The following C12orf42 variants were observed in gnomAD, a reference collection of about 807,000 sequenced individuals.
The protein encoded by C12orf42 is chromosome 12 open reading frame 42.
In C12orf42, 25 loss-of-function variants were observed where a neutral mutation model predicts 21.6. The ratio of observed to expected loss-of-function variants is 1.16; its 90% CI spans 0.84 to 1.62. The LOEUF (loss-of-function observed/expected upper bound fraction) is 1.62. Among genes scored for constraint, C12orf42 ranks in the 40% most tolerant of loss-of-function variants. The pLI, the probability that C12orf42 is intolerant of heterozygous loss-of-function variation, is 0.00. For missense variants in C12orf42, 483 were observed against 459.3 expected, an observed-to-expected ratio of 1.05 and a Z score of -0.47; for synonymous variants, 174 against 175.0, an observed-to-expected ratio of 0.99 and a Z score of 0.05.
the C12orf42 span, among the ~76,000 whole-genome samples, chr12:103,083,540 C>A: frequency 6.6e-6 from 1 of 152,100 alleles, no homozygotes; most frequent in Non-Finnish European, 1.5e-5. Context: ...GAAAACACTA[C>A]CTAAATTCTC....
intron 4 of C12orf42, among the ~76,000 whole-genome samples, chr12:103,311,271 C>T (rs1443606125): frequency 6.6e-6 from 1 of 151,800 alleles, no homozygotes; most frequent in Non-Finnish European, 1.5e-5. Flanking sequence ...GATGTTGGGA[C>T]AGGTGGTGAC....
the C12orf42 span, among the ~76,000 whole-genome samples, chr12:103,062,057 C>A: frequency 1.3e-5 from 2 of 151,850 alleles, no homozygotes; most frequent in Non-Finnish European, 2.9e-5. Context: ...CTTGTTATAG[C>A]CTAAAATAAA....
chr12:103,531,822 T>C, the C12orf42 span, among the ~76,000 whole-genome samples: 2 of 152,224 alleles, frequency 1.3e-5, no homozygotes, highest in Non-Finnish European at 2.9e-5. Flanking sequence ...AAATCCCTTC[T>C]AAAAGGGCAT....
At chr12:103,149,759 T>C in the C12orf42 span, among the ~76,000 whole-genome samples, 32 of 152,310 alleles carry the variant, frequency 2.1e-4, no homozygotes, top group Non-Finnish European at 3.7e-4. Flanking sequence ...CGCAGCCAAG[T>C]GGAATTGTAA....
intron 4 of C12orf42, among the ~76,000 whole-genome samples, chr12:103,367,531 A>T (rs1444347126): frequency 2.0e-5 from 3 of 152,000 alleles, no homozygotes; most frequent in Non-Finnish European, 4.4e-5. Context: ...GAGCTCCAAG[A>T]TACAGTGATA....
the C12orf42 span, among the ~76,000 whole-genome samples, chr12:103,072,513 C>A: frequency 1.3e-5 from 2 of 151,816 alleles, no homozygotes; most frequent in Admixed American, 1.3e-4. Context: ...CTGAAATAGG[C>A]AATTTTAGTC....
the C12orf42 span, among the ~76,000 whole-genome samples, chr12:103,201,935 A>G: frequency 2.0e-5 from 3 of 152,214 alleles, no homozygotes; most frequent in African/African-American, 7.2e-5. Flanking sequence ...TTAGCCAAAA[A>G]AAAGCAAGAA....
chr12:103,449,116 TA>T (rs1951769774), intron 2 of C12orf42, among the ~76,000 whole-genome samples: 1 of 151,390 alleles, frequency 6.6e-6, no homozygotes, highest in Non-Finnish European at 1.5e-5. Context: ...GATAGATAGA[TA>T]GATAGATAGA....
downstream of C12orf42, chr12:103,267,616 T>C (rs978011155): frequency 1.3e-5 from 2 of 152,134 alleles, no homozygotes; most frequent in Non-Finnish European, 2.9e-5. Context: ...TACAAAACAC[T>C]TCATATCAGT....
intron 4 of C12orf42, among the ~76,000 whole-genome samples, chr12:103,331,233 C>T (rs1360049031): frequency 6.6e-6 from 1 of 152,128 alleles, no homozygotes; most frequent in Non-Finnish European, 1.5e-5. Context: ...TAACACAAAG[C>T]CTATTCTATA....
the C12orf42 span, among the ~76,000 whole-genome samples, chr12:103,133,116 G>A: frequency 6.6e-6 from 1 of 152,118 alleles, no homozygotes. Context: ...GTTAGCACCT[G>A]AGCATTCCCT....
intron 10 of C12orf42, among the ~76,000 whole-genome samples, chr12:103,240,277 C>T (rs2136164913): frequency 6.6e-6 from 1 of 152,270 alleles, no homozygotes; most frequent in South Asian, 2.1e-4. Context: ...ATCAAGCGAC[C>T]TAAACAGATG....
At chr12:103,109,313 G>A in the C12orf42 span, among the ~76,000 whole-genome samples, 1 of 152,128 alleles carries the variant, frequency 6.6e-6, no homozygotes, top group Non-Finnish European at 1.5e-5. Context: ...GAGAGAGACA[G>A]AATGTGTGTG....
At position 103,247,277 on chromosome 12, in the gene C12orf42, G is replaced by C. The variant is rs963666384; in HGVS notation, c.*1367-9375C>G. On this transcript the variant is annotated intron_variant and NMD_transcript_variant, in intron 10 of 10. Transcript: ENST00000547347. ...TTATAGAAAAACATAAAACAACAAA[G>C]TTCTTTGCAGTTTCTCAGACTCATT... 3.4e-5 allele frequency among the ~76,000 whole-genome samples: 5 copies of C among 148,454 alleles called. No homozygotes were observed. In the South Asian group the frequency reaches 1.1e-3, roughly 32 times the overall value.
intron 4 of C12orf42, among the ~76,000 whole-genome samples, chr12:103,310,254 ACTCTCT>A (rs142832022): frequency 1.8e-4 from 25 of 136,050 alleles, no homozygotes; most frequent in Non-Finnish European, 3.2e-4. Context: ...CTTCTCCCCT[ACTCTCT>A]CTCTCTCTCT....
At chr12:103,489,296 A>G (rs1262276413) in intron 1 of C12orf42, among the ~76,000 whole-genome samples, 1 of 152,130 alleles carries the variant, frequency 6.6e-6, no homozygotes, top group Non-Finnish European at 1.5e-5. Context: ...AACAGCAAAT[A>G]ATGCTGCCTG....
chr12:103,345,262 T>G (rs546327874), intron 4 of C12orf42, among the ~76,000 whole-genome samples: 1 of 152,208 alleles, frequency 6.6e-6, no homozygotes, highest in Non-Finnish European at 1.5e-5. Flanking sequence ...CACCTCTCTA[T>G]GTATGTTTTC....
At chr12:103,216,425 C>T in the C12orf42 span, among the ~76,000 whole-genome samples, 1 of 150,612 alleles carries the variant, frequency 6.6e-6, no homozygotes, top group African/African-American at 2.4e-5. Flanking sequence ...GGCTGGAGTG[C>T]AGTGGCACAA....
At chr12:103,491,835 G>A (rs1487394695) in intron 1 of C12orf42, among the ~76,000 whole-genome samples, 1 of 152,176 alleles carries the variant, frequency 6.6e-6, no homozygotes, top group Non-Finnish European at 1.5e-5. Context: ...CAATAAAGCT[G>A]ATAAGCTGAA....
Sources: allele counts gnomAD v4.1 joint callset (sites outside exome capture counted in the v4.1 genomes callset), GRCh38; gene constraint gnomAD v4.1.1; transcripts MANE v1.5; gene names NCBI Gene and HGNC (gene_info 2026-07-23, HGNC 2026-07-21).